CSMD1: variants seen among roughly 807,000 people sequenced by gnomAD.
The protein encoded by CSMD1 is CUB and Sushi multiple domains 1.
A neutral mutation model predicts 417.5 loss-of-function variants in CSMD1; 213 were observed. The observed-to-expected ratio is 0.51, with a 90% confidence interval of 0.46 to 0.57. CSMD1 has a LOEUF of 0.57. CSMD1 is among the 20% of genes least tolerant of loss of function. The pLI, the probability that CSMD1 is intolerant of heterozygous loss-of-function variation, is 0.00. For synonymous variants in CSMD1, 2,862 were observed against 1,736.8 expected, an observed-to-expected ratio of 1.65 and a Z score of -16.11; for missense variants, 6,923 against 4,529.7, an observed-to-expected ratio of 1.53 and a Z score of -15.17.
At chr8:4,701,204 C>T (rs750230515) in intron 1 of CSMD1, among the ~76,000 whole-genome samples, 4 of 152,058 alleles carry the variant, frequency 2.6e-5, no homozygotes, top group Non-Finnish European at 4.4e-5. Context: ...CCCTAGTTCC[C>T]GACTGTTCTT....
At chr8:4,324,498 T>C (rs1799441359) in intron 3 of CSMD1, among the ~76,000 whole-genome samples, 1 of 152,172 alleles carries the variant, frequency 6.6e-6, no homozygotes. Flanking sequence ...GCAGATGAAG[T>C]GCACACAAAA....
intron 5 of CSMD1, among the ~76,000 whole-genome samples, chr8:3,902,562 A>G (rs1048262914): frequency 2.0e-5 from 3 of 152,084 alleles, no homozygotes; most frequent in Admixed American, 1.3e-4. Context: ...CATCCATTGC[A>G]TGCTCAGTTC....
chr8:3,004,053 A>T (rs1807659671), intron 52 of CSMD1, among the ~76,000 whole-genome samples: 2 of 152,184 alleles, frequency 1.3e-5, no homozygotes, highest in South Asian at 4.1e-4. Context: ...TATGCACAGT[A>T]GCAAAGGAGG....
At chr8:4,071,329 C>G (rs1441823239) in intron 3 of CSMD1, among the ~76,000 whole-genome samples, 1 of 152,062 alleles carries the variant, frequency 6.6e-6, no homozygotes, top group Non-Finnish European at 1.5e-5. Flanking sequence ...TTCCATTGGA[C>G]TAACATCATC....
At chr8:4,355,059 G>C (rs957240193) in intron 3 of CSMD1, among the ~76,000 whole-genome samples, 3 of 151,828 alleles carry the variant, frequency 2.0e-5, no homozygotes, top group South Asian at 2.1e-4. Context: ...TCAGGAGATC[G>C]AGACCATCCT....
intron 25 of CSMD1, among the ~76,000 whole-genome samples, chr8:3,305,238 A>G (rs1030945316): frequency 5.3e-5 from 8 of 152,140 alleles, no homozygotes; most frequent in South Asian, 2.1e-4. Context: ...AATATGAAAT[A>G]TTAAATTCTG....
In CSMD1 at chr8:3,842,375, CT is replaced by C. The variant is rs368115854; in HGVS notation, c.819-88334del. On this transcript the variant is annotated intron_variant, in intron 5 of 69. Coordinates refer to ENST00000635120, the MANE Select transcript of CSMD1 (RefSeq NM_033225.6). ...ATATCAATACCACTAATAATGTATA[CT>C]TAAACAAAAATCCTGACAGTTGGCT... Among the ~76,000 whole-genome samples the C allele has an allele frequency of 7.1e-3, 1,087 of 152,226 alleles. 12 individuals are homozygous for C. The highest frequency in any genetic ancestry group is 0.025 in the African/African-American group (1,033 of 41,540).
At chr8:3,152,907 G>A (rs1165296255) in intron 39 of CSMD1, among the ~76,000 whole-genome samples, 1 of 152,138 alleles carries the variant, frequency 6.6e-6, no homozygotes, top group Non-Finnish European at 1.5e-5. Flanking sequence ...TTTCCCTTAG[G>A]GCTCGTGGGA....
chr8:2,950,477 T>C (rs993272827), intron 66 of CSMD1, 134 bp from the exon 67 acceptor site: 2 of 623,052 alleles, frequency 3.2e-6, no homozygotes, highest in African/African-American at 1.8e-5. Context: ...AAATTGTATT[T>C]TTATTTGTGA....
intron 11 of CSMD1, among the ~76,000 whole-genome samples, chr8:3,471,584 TTCCTTCCCTCCCTCCTTCTTCCTCTC>T (rs1817103972): frequency 7.3e-6 from 1 of 136,550 alleles, no homozygotes; most frequent in Non-Finnish European, 1.6e-5. Context: ...TCCTCTCTCC[TTCCTTCCCTCCCTCCTTCTTCCTCTC>T]TCCTTCCTTC....
intron 3 of CSMD1, among the ~76,000 whole-genome samples, chr8:4,167,678 A>G (rs186018384): frequency 3.3e-5 from 5 of 152,316 alleles, no homozygotes; most frequent in East Asian, 3.9e-4. Flanking sequence ...GATATTGGTT[A>G]TATGATCAAT....
At chr8:4,609,533 C>G (rs1028111431) in intron 2 of CSMD1, among the ~76,000 whole-genome samples, 1 of 152,188 alleles carries the variant, frequency 6.6e-6, no homozygotes, top group African/African-American at 2.4e-5. Flanking sequence ...ACTATGCTTT[C>G]TTTATTGTAC....
chr8:2,997,554 C>T (rs111704249), intron 54 of CSMD1, among the ~76,000 whole-genome samples: 11 of 151,856 alleles, frequency 7.2e-5, no homozygotes, highest in Non-Finnish European at 1.2e-4. Flanking sequence ...TCTAGAAATG[C>T]AAAAAAGAAC....
intron 5 of CSMD1, among the ~76,000 whole-genome samples, chr8:3,922,128 A>C (rs1306453529): frequency 7.1e-6 from 1 of 140,566 alleles, no homozygotes; most frequent in Non-Finnish European, 1.6e-5. Flanking sequence ...TTATATTATG[A>C]CATTCTTTCT....
chr8:2,984,455 T>A (rs1020825469), intron 54 of CSMD1, among the ~76,000 whole-genome samples: 10 of 152,082 alleles, frequency 6.6e-5, no homozygotes, highest in African/African-American at 2.4e-4. Context: ...TTCAAGAGAT[T>A]CTCCTGTCTC....
At chr8:3,423,165 G>A (rs1468060720) in intron 12 of CSMD1, among the ~76,000 whole-genome samples, 2 of 152,124 alleles carry the variant, frequency 1.3e-5, no homozygotes, top group Non-Finnish European at 2.9e-5. Flanking sequence ...ATTAAGGAAT[G>A]AATTAGGTAC....
At chr8:4,951,954 G>A (rs138340435) in intron 1 of CSMD1, among the ~76,000 whole-genome samples, 13 of 151,354 alleles carry the variant, frequency 8.6e-5, no homozygotes, top group Non-Finnish European at 1.8e-4. Context: ...CCTGAAACTG[G>A]TGACTCCTTC....
At chr8:4,345,855 G>C (rs1166449107) in intron 3 of CSMD1, among the ~76,000 whole-genome samples, 3 of 152,110 alleles carry the variant, frequency 2.0e-5, no homozygotes, top group Non-Finnish European at 4.4e-5. Flanking sequence ...GGAGTGTTCT[G>C]AGGTTACATG....
rs574266958 is a variant in CSMD1 at position 3,033,651 on chromosome 8, C to T, written c.7661-4138G>A. ...CATTAGGACAAATACTTAAACCACGCGGGATTTAAAACCTAGATGACAGGT... is the reference window on the plus strand; with the variant it reads ...CATTAGGACAAATACTTAAACCACGTGGGATTTAAAACCTAGATGACAGGT... On this transcript the variant is annotated intron_variant, in intron 50 of 69. Transcript: ENST00000635120. 1.1e-4 allele frequency among the ~76,000 whole-genome samples: 17 copies of T among 152,144 alleles called. 1 individual carries two copies. Among genetic ancestry groups the T allele is most frequent in the East Asian group, 3.9e-4 (2 of 5,174 alleles).
Sources: gnomAD v4.1 joint callset for allele counts (sites outside exome capture counted in the v4.1 genomes callset) on GRCh38, gnomAD v4.1.1 for gene constraint, MANE v1.5 for transcripts, NCBI Gene and HGNC (gene_info 2026-07-23, HGNC 2026-07-21) for gene names.